The following ARL15 variants were observed in gnomAD, a reference collection of about 807,000 sequenced individuals.
The protein encoded by ARL15 is ADP-ribosylation factor-like protein 15.
A neutral mutation model predicts 25.2 loss-of-function variants in ARL15; 19 were observed. The observed-to-expected ratio is 0.75, with a 90% CI of 0.53 to 1.10. ARL15 has a LOEUF of 1.10. Ranked by LOEUF, ARL15 falls within the 50% of genes least tolerant of loss-of-function variation. The pLI is 0.00. For synonymous variants in ARL15, 94 were observed against 86.8 expected, an observed-to-expected ratio of 1.08 and a Z score of -0.46; for missense variants, 220 against 246.0, an observed-to-expected ratio of 0.89 and a Z score of 0.71.
intron 1 of ARL15, among the ~76,000 whole-genome samples, chr5:54,229,793 T>TCC (rs1561275812): frequency 6.6e-6 from 1 of 152,142 alleles, no homozygotes; most frequent in Non-Finnish European, 1.5e-5. Flanking sequence ...CCATAGGGGC[T>TCC]CCCTCTGGGA....
intron 4 of ARL15, among the ~76,000 whole-genome samples, chr5:53,903,531 T>C (rs1745137170): frequency 1.3e-5 from 2 of 152,158 alleles, no homozygotes; most frequent in Admixed American, 1.3e-4. Context: ...AGGTCAATAA[T>C]GCCAAGATTG....
intron 4 of ARL15, among the ~76,000 whole-genome samples, chr5:53,970,341 A>G (rs1048071583): frequency 1.3e-5 from 2 of 152,208 alleles, no homozygotes; most frequent in Non-Finnish European, 2.9e-5. Flanking sequence ...TCCATAAAAT[A>G]TCACTCAGCT....
At position 54,084,395 on chromosome 5, in the gene ARL15, T is replaced by C. The variant is rs114020120; in HGVS notation, c.462+28807A>G. 2.0e-3 allele frequency among the ~76,000 whole-genome samples: 288 copies of C among 143,474 alleles called. 2 individuals are homozygous for C. The highest frequency in any genetic ancestry group is 7.3e-3 in the African/African-American group (277 of 38,192). The allele number at this position is 143,474 out of a possible 152,430, so 94.1% of individuals were successfully genotyped here. On this transcript the variant is annotated intron_variant, in intron 4 of 4. Coordinates refer to ENST00000504924, the MANE Select transcript of ARL15 (RefSeq NM_019087.3). ...AGAGGGGTGGAGGAGTAGGATACTT[T>C]TGGGGCCACTACAGTGGTACTGACT...
chr5:54,131,570 C>A (rs1042771603), intron 3 of ARL15, among the ~76,000 whole-genome samples: 1 of 152,132 alleles, frequency 6.6e-6, no homozygotes, highest in Non-Finnish European at 1.5e-5. Context: ...TAATGTCATG[C>A]GTAACTTTCT....
chr5:53,937,178 T>C (rs750070583), intron 4 of ARL15, among the ~76,000 whole-genome samples: 1 of 152,144 alleles, frequency 6.6e-6, no homozygotes, highest in Non-Finnish European at 1.5e-5. Context: ...TAGTGACCAA[T>C]TACAAAATGG....
At chr5:54,227,158 T>G (rs1481410492) in intron 1 of ARL15, among the ~76,000 whole-genome samples, 1 of 152,182 alleles carries the variant, frequency 6.6e-6, no homozygotes, top group Non-Finnish European at 1.5e-5. Context: ...TCAAACAAGA[T>G]GGCAAAGTAA....
intron 4 of ARL15, among the ~76,000 whole-genome samples, chr5:53,943,073 G>A (rs1746598059): frequency 6.6e-6 from 1 of 152,142 alleles, no homozygotes; most frequent in South Asian, 2.1e-4. Context: ...TGCTTGCAGA[G>A]CCAAGAAAGA....
At chr5:54,200,444 T>C (rs1392481912) in intron 1 of ARL15, among the ~76,000 whole-genome samples, 1 of 152,038 alleles carries the variant, frequency 6.6e-6, no homozygotes, top group Non-Finnish European at 1.5e-5. Flanking sequence ...TACCTCAAAC[T>C]TTGAGAAGCA....
chr5:54,162,532 G>A (rs1342680063), intron 2 of ARL15, among the ~76,000 whole-genome samples: 1 of 152,090 alleles, frequency 6.6e-6, no homozygotes, highest in East Asian at 1.9e-4. Context: ...ATAGCCACTT[G>A]TTAATAACAT....
chr5:54,153,727 AGAAG>A (rs900720188), intron 3 of ARL15, among the ~76,000 whole-genome samples: 3 of 152,250 alleles, frequency 2.0e-5, no homozygotes, highest in African/African-American at 7.2e-5. Context: ...GATAAAAATA[AGAAG>A]GTACCAAACG....
At chr5:54,054,626 T>C (rs950103173) in intron 4 of ARL15, among the ~76,000 whole-genome samples, 1 of 152,006 alleles carries the variant, frequency 6.6e-6, no homozygotes, top group African/African-American at 2.4e-5. Flanking sequence ...CCGTCTCTAC[T>C]AAAAACACAA....
In ARL15 at chr5:54,125,085, GT is replaced by G. The variant is rs70986660; in HGVS notation, c.254-11676del. On this transcript the variant is annotated intron_variant, in intron 3 of 4. Coordinates refer to ENST00000504924, the MANE Select transcript of ARL15 (RefSeq NM_019087.3). ...CAAGTTTTTTGTTTTGTTTTGTTTT[GT>G]TTTTTTTTTTTTTGAGACACAGTCT... is the stretch of plus-strand genomic sequence containing the variant. Among the ~76,000 whole-genome samples the G allele has an allele frequency of 9.5e-4, 129 of 136,412 alleles. 2 individuals carry two copies. Among genetic ancestry groups the G allele is most frequent in the African/African-American group, 1.2e-3 (43 of 36,768 alleles). 89.5% of individuals were successfully genotyped at this position (136,412 alleles called of 152,430 possible).
intron 2 of ARL15, among the ~76,000 whole-genome samples, chr5:54,164,117 C>G (rs929220635): frequency 6.6e-6 from 1 of 151,972 alleles, no homozygotes; most frequent in Non-Finnish European, 1.5e-5. Flanking sequence ...TTCTCTTTTG[C>G]TACCTTCTTT....
chr5:54,209,154 T>C (rs1387594721), intron 1 of ARL15, among the ~76,000 whole-genome samples: 1 of 152,084 alleles, frequency 6.6e-6, no homozygotes, highest in South Asian at 2.1e-4. Flanking sequence ...ATTAACTATA[T>C]GGGCAGAATG....
rs28579187 is a variant in ARL15 at position 54,228,300 on chromosome 5, G to A, written c.49-56372C>T. 7.6e-3 allele frequency among the ~76,000 whole-genome samples: 1,153 copies of A among 152,156 alleles called. 15 individuals carry two copies. The highest frequency in any genetic ancestry group is 0.026 in the African/African-American group (1,084 of 41,490). ...ATCACAGAATACTACAATCTGAAAA[G>A]GTTCCCTGAGATACATACTGCTAAT... On this transcript the variant is annotated intron_variant, in intron 1 of 4. Coordinates refer to ENST00000504924, the MANE Select transcript of ARL15 (RefSeq NM_019087.3).
In ARL15 at chr5:54,121,933, T is replaced by C. The variant is rs187399367; in HGVS notation, c.254-8523A>G. Among the ~76,000 whole-genome samples, 11 of 152,330 alleles carry C rather than the reference T, an allele frequency of 7.2e-5. No homozygotes were observed. In the East Asian group the frequency reaches 2.1e-3, roughly 29 times the overall value. ...GTGTTAACTGTCATTTTGTTGTGGATGTTACTATTATCATTTGTCCACCAT... is the reference window on the plus strand; with the variant it reads ...GTGTTAACTGTCATTTTGTTGTGGACGTTACTATTATCATTTGTCCACCAT... On this transcript the variant is annotated intron_variant, in intron 3 of 4. Coordinates refer to ENST00000504924, the MANE Select transcript of ARL15 (RefSeq NM_019087.3).
At position 54,117,938 on chromosome 5, in the gene ARL15, G is replaced by T. The variant is rs896702609; in HGVS notation, c.254-4528C>A. Among the ~76,000 whole-genome samples, 8 of 152,280 alleles carry T rather than the reference G, an allele frequency of 5.3e-5. No homozygotes were observed. In the South Asian group the frequency reaches 1.5e-3, roughly 28 times the overall value. ...TGACAGCTTTTCAGTGATGAGATTG[G>T]TGGTGATATTAATAGACAGATATTC... On this transcript the variant is annotated intron_variant, in intron 3 of 4. Coordinates refer to ENST00000504924, the MANE Select transcript of ARL15 (RefSeq NM_019087.3).
At chr5:54,293,182 G>A (rs1227552832) in intron 1 of ARL15, among the ~76,000 whole-genome samples, 2 of 152,070 alleles carry the variant, frequency 1.3e-5, no homozygotes, top group African/African-American at 2.4e-5. Flanking sequence ...TGTAACATTT[G>A]CAACTATGAT....
At chr5:53,957,674 A>C (rs2112137948) in intron 4 of ARL15, among the ~76,000 whole-genome samples, 1 of 152,142 alleles carries the variant, frequency 6.6e-6, no homozygotes, top group African/African-American at 2.4e-5. Context: ...AAATACAAAA[A>C]TTAGCTGGGT....
Sources: gnomAD v4.1 joint callset for allele counts (sites outside exome capture counted in the v4.1 genomes callset) on GRCh38, gnomAD v4.1.1 for gene constraint, MANE v1.5 for transcripts, NCBI Gene and HGNC (gene_info 2026-07-23, HGNC 2026-07-21) for gene names.